The following RALGAPA2 variants were observed in gnomAD, a reference collection of about 807,000 sequenced individuals.
RALGAPA2 encodes the protein Ral GTPase activating protein catalytic subunit alpha 2, also known as ral GTPase-activating protein subunit alpha-2.
RALGAPA2 carries 139 observed loss-of-function variants against 230.4 expected under a neutral mutation model. The observed-to-expected ratio is 0.60, with a 90% CI of 0.53 to 0.69. RALGAPA2 has a LOEUF of 0.69. Among genes scored for constraint, RALGAPA2 ranks in the 30% least tolerant of loss-of-function variants. RALGAPA2 has a pLI of 0.00. For synonymous variants in RALGAPA2, 847 were observed against 837.8 expected (o/e 1.01, Z -0.19); for missense variants, 2,163 against 2,276.0 (o/e 0.95, Z 1.01).
intron 33 of RALGAPA2, among the ~76,000 whole-genome samples, chr20:20,506,340 T>A (rs989894895): frequency 6.6e-6 from 1 of 152,188 alleles, no homozygotes; most frequent in African/African-American, 2.4e-5. Flanking sequence ...TTCAGTTAAG[T>A]CTCTGTTACA....
intron 31 of RALGAPA2, among the ~76,000 whole-genome samples, chr20:20,514,173 T>A (rs547788101): frequency 1.3e-5 from 2 of 151,610 alleles, no homozygotes; most frequent in African/African-American, 2.4e-5. Flanking sequence ...TCTCCAGGCA[T>A]TCAGAACACC....
chr20:20,612,490 C>T (rs2066005623), intron 13 of RALGAPA2, among the ~76,000 whole-genome samples: 1 of 152,192 alleles, frequency 6.6e-6, no homozygotes, highest in Non-Finnish European at 1.5e-5. Flanking sequence ...AGCATTTTCT[C>T]CTAACAATAT....
chr20:20,558,671 A>AG (rs1439779581), intron 23 of RALGAPA2, among the ~76,000 whole-genome samples: 3 of 151,988 alleles, frequency 2.0e-5, no homozygotes, highest in African/African-American at 7.3e-5. Context: ...AAAGATCTTA[A>AG]GGGGGAAAAA....
intron 37 of RALGAPA2, among the ~76,000 whole-genome samples, chr20:20,454,845 A>AAT (rs1384346853): frequency 2.6e-5 from 4 of 152,144 alleles, no homozygotes; most frequent in East Asian, 1.9e-4. Flanking sequence ...TGGCATTTCA[A>AAT]ATATATATAT....
chr20:20,704,387 T>A (rs1168879758), intron 1 of RALGAPA2, among the ~76,000 whole-genome samples: 1 of 152,178 alleles, frequency 6.6e-6, no homozygotes, highest in Non-Finnish European at 1.5e-5. Context: ...AATCTCCATA[T>A]ACACAAACAC....
chr20:20,650,532 C>T (rs1286801331), intron 4 of RALGAPA2, among the ~76,000 whole-genome samples: 7 of 152,184 alleles, frequency 4.6e-5, no homozygotes, highest in African/African-American at 1.2e-4. Flanking sequence ...TTTTAGAATA[C>T]CCTGTCCCCC....
chr20:20,469,080 T>C (rs1388475023), intron 37 of RALGAPA2, among the ~76,000 whole-genome samples: 1 of 152,150 alleles, frequency 6.6e-6, no homozygotes, highest in Non-Finnish European at 1.5e-5. Context: ...GAACAAACAT[T>C]GGCCCCTCAT....
At chr20:20,528,382 G>A (rs1458169737) in intron 27 of RALGAPA2, among the ~76,000 whole-genome samples, 5 of 152,154 alleles carry the variant, frequency 3.3e-5, no homozygotes, top group Non-Finnish European at 1.5e-5. Flanking sequence ...TCTAGGACTG[G>A]TGACTCTGAT....
chr20:20,444,388 G>A (rs1004830150), intron 37 of RALGAPA2, among the ~76,000 whole-genome samples: 21 of 152,030 alleles, frequency 1.4e-4, no homozygotes, highest in African/African-American at 4.1e-4. Flanking sequence ...ACATCACCTC[G>A]TTTCCCAATT....
chr20:20,701,512 G>T (rs1212360994), intron 1 of RALGAPA2, among the ~76,000 whole-genome samples: 1 of 152,166 alleles, frequency 6.6e-6, no homozygotes, highest in Non-Finnish European at 1.5e-5. Flanking sequence ...GCCAAGGCGG[G>T]CAGATCACGA....
intron 36 of RALGAPA2, among the ~76,000 whole-genome samples, chr20:20,484,789 C>T (rs755348886): frequency 5.9e-5 from 9 of 152,246 alleles, no homozygotes; most frequent in South Asian, 2.1e-4. Context: ...TGATGATGAG[C>T]CCAATGACTG....
chr20:20,599,993 A>T (rs2065586065), intron 16 of RALGAPA2, among the ~76,000 whole-genome samples: 2 of 151,770 alleles, frequency 1.3e-5, no homozygotes, highest in African/African-American at 4.8e-5. Flanking sequence ...AAAAATAAAA[A>T]AAAAATCCAA....
chr20:20,458,671 A>T lies in RALGAPA2; in HGVS notation c.5495+14158T>A, dbSNP rs1299454919. 1.2e-4 allele frequency among the ~76,000 whole-genome samples: 16 copies of T among 130,826 alleles called. No individual in the cohort carries two copies. The South Asian group carries it at 1.6e-3, about 13-fold the overall frequency. 85.8% of individuals were successfully genotyped at this position (130,826 alleles called of 152,430 possible). A position where few individuals can be genotyped will look rare whatever the true frequency, so the allele number is the denominator to read the frequency against. On this transcript the variant is annotated intron_variant, in intron 37 of 39. Transcript: ENST00000202677. ...GGGGCTGGCAGTAGAGCCCTCATTC[A>T]ATATATATATATATAGACCTATATA...
In RALGAPA2 at chr20:20,449,783, T is replaced by C. The variant is rs979625410; in HGVS notation, c.5495+23046A>G. Among the ~76,000 whole-genome samples, 17 of 152,362 alleles carry C rather than the reference T, an allele frequency of 1.1e-4. No homozygotes were observed. The South Asian group carries it at 2.9e-3, about 26-fold the overall frequency. On this transcript the variant is annotated intron_variant, in intron 37 of 39. Transcript: ENST00000202677. ...AATTTCCTATAAATATATGCTGTTG[T>C]CTGGAACTTATTAGGTTAGAATGAC... is the stretch of plus-strand genomic sequence containing the variant.
rs552873023 is a variant in RALGAPA2, at chr20:20,601,113, AGAG to A, written c.2203+566_2203+568del. 4.9e-3 allele frequency among the ~76,000 whole-genome samples: 751 copies of A among 152,304 alleles called. 5 individuals carry two copies. Among genetic ancestry groups the A allele is most frequent in the African/African-American group, 0.017 (715 of 41,564 alleles). On this transcript the variant is annotated intron_variant, in intron 16 of 39. Coordinates refer to ENST00000202677, the MANE Select transcript of RALGAPA2 (RefSeq NM_020343.4). ...AGACTCTGTCTCAAAAAAAAAGAAA[AGAG>A]AAGAGAAGAAAAGAAAAGAAAAGAA...
At chr20:20,422,583 C>A (rs1162495732) in intron 37 of RALGAPA2, among the ~76,000 whole-genome samples, 1 of 152,034 alleles carries the variant, frequency 6.6e-6, no homozygotes, top group African/African-American at 2.4e-5. Context: ...AAAAAAAATG[C>A]CCCCCAAAAT....
chr20:20,472,178 G>A (rs1236186221), intron 37 of RALGAPA2: 8 of 152,092 alleles, frequency 5.3e-5, no homozygotes, highest in Admixed American at 5.2e-4. Context: ...AAAAATTTTA[G>A]GAGTGAAATT....
intron 33 of RALGAPA2, among the ~76,000 whole-genome samples, chr20:20,509,310 T>G (rs1228650357): frequency 2.0e-5 from 3 of 152,212 alleles, no homozygotes; most frequent in Admixed American, 2.0e-4. Context: ...TAAAAAATTA[T>G]TCAAATTCAA....
At chr20:20,553,955 T>C (rs1465790781) in intron 23 of RALGAPA2, among the ~76,000 whole-genome samples, 2 of 152,222 alleles carry the variant, frequency 1.3e-5, no homozygotes, top group Non-Finnish European at 2.9e-5. Context: ...GATAACTCAC[T>C]AATCTGTCTA....
Sources: allele counts gnomAD v4.1 joint callset (sites outside exome capture counted in the v4.1 genomes callset), GRCh38; gene constraint gnomAD v4.1.1; transcripts MANE v1.5; gene names NCBI Gene and HGNC (gene_info 2026-07-23, HGNC 2026-07-21).